GLYATL1: variants seen among roughly 807,000 people sequenced by gnomAD.
The protein encoded by GLYATL1 is glycine N-acyltransferase-like protein 1.
GLYATL1 carries 15 observed loss-of-function variants against 20.0 expected under a neutral mutation model. The observed-to-expected ratio is 0.75, with a 90% CI of 0.50 to 1.15. The LOEUF (loss-of-function observed/expected upper bound fraction) is 1.15, where lower values mean the gene tolerates loss of function less well. Among genes scored for constraint, GLYATL1 ranks in the 50% most tolerant of loss-of-function variants. GLYATL1 has a pLI of 0.00. For synonymous variants in GLYATL1, 151 were observed against 131.5 expected (o/e 1.15, Z -1.01); for missense variants, 380 against 368.5 (o/e 1.03, Z -0.26).
chr11:58,910,862 A>G (rs10896875), downstream of GLYATL1, among the ~76,000 whole-genome samples: 29,867 of 152,132 alleles, frequency 0.2, 3,565 homozygotes, highest in African/African-American at 0.32. Flanking sequence ...TCAATGGCTT[A>G]TGACAAACAC....
upstream of GLYATL1, among the ~76,000 whole-genome samples, chr11:58,924,679 G>A (rs1855385369): frequency 6.6e-6 from 1 of 152,142 alleles, no homozygotes; most frequent in African/African-American, 2.4e-5. Context: ...TTGCATCCTA[G>A]AATTAGCAAA....
downstream of GLYATL1, among the ~76,000 whole-genome samples, chr11:58,911,119 A>G (rs28597924): frequency 1.3e-5 from 2 of 152,144 alleles, no homozygotes; most frequent in African/African-American, 2.4e-5. Context: ...AGAACATTCC[A>G]TTTAAGATTC....
intron 4 of GLYATL1, among the ~76,000 whole-genome samples, chr11:58,953,565 C>CAA: frequency 6.6e-6 from 1 of 151,826 alleles, no homozygotes; most frequent in South Asian, 2.1e-4. Context: ...TTATTTATAG[C>CAA]TTTCATTTTT....
chr11:58,910,064 C>T (rs182708366), downstream of GLYATL1, among the ~76,000 whole-genome samples: 26 of 152,306 alleles, frequency 1.7e-4, no homozygotes, highest in East Asian at 4.4e-3. Context: ...ATTGTCCCAA[C>T]TTAAGTAGCT....
At position 58,956,190 on chromosome 11, in the gene GLYATL1, G is replaced by A. The variant is rs537616071; in HGVS notation, c.*163G>A. 7.2e-4 allele frequency: 479 copies of A among 664,576 alleles called. 9 individuals carry two copies. In the South Asian group the frequency reaches 9.4e-3, roughly 13 times the overall value. The allele number at this position is 664,576 out of a possible 1,614,324, so 41.2% of individuals were successfully genotyped here. A position where few individuals can be genotyped will look rare whatever the true frequency, so the allele number is the denominator to read the frequency against. On this transcript the variant is annotated 3_prime_UTR_variant, in exon 7 of 7. Coordinates refer to ENST00000532726, the MANE Select transcript of GLYATL1 (RefSeq NM_001389712.2). The stretch of plus-strand genomic sequence containing the variant: ...TGTTAAAAGACACAGCCATGCTCTT[G>A]AGGAGCTTACAATCCTGGCTGGAGG...
At chr11:58,941,968 T>C in intron 1 of GLYATL1, among the ~76,000 whole-genome samples, 1 of 152,226 alleles carries the variant, frequency 6.6e-6, no homozygotes, top group Non-Finnish European at 1.5e-5. Context: ...CTAAGAACTG[T>C]GAAGCATATA....
At chr11:58,936,487 C>A (rs1855841741), upstream of GLYATL1, among the ~76,000 whole-genome samples, 1 of 152,180 alleles carries the variant, frequency 6.6e-6, no homozygotes, top group Admixed American at 6.5e-5. Context: ...TAGGCAGGTG[C>A]TCAGATCAGC....
intron 1 of GLYATL1, among the ~76,000 whole-genome samples, chr11:58,920,248 G>T (rs940131211): frequency 6.6e-6 from 1 of 152,008 alleles, no homozygotes; most frequent in Non-Finnish European, 1.5e-5. Flanking sequence ...TTGTATTTTA[G>T]TTTATTTCCT....
chr11:58,923,440 C>T (rs377013184), upstream of GLYATL1, among the ~76,000 whole-genome samples: 412 of 152,200 alleles, frequency 2.7e-3, 2 homozygotes, highest in Non-Finnish European at 3.9e-3. Context: ...AGTAGTGGCC[C>T]GCAACCAGTT....
chr11:58,954,751 C>A lies in GLYATL1; in HGVS notation c.187-19C>A. ...AAAAAGTTCAAGGGAATGACCTGATCTTATATCATCCAATACAGGAGATGA... is the reference window on the plus strand; with the variant it reads ...AAAAAGTTCAAGGGAATGACCTGATATTATATCATCCAATACAGGAGATGA... On this transcript the variant is annotated intron_variant, in intron 4 of 6. Transcript: ENST00000532726. 6.3e-7 allele frequency: 1 copy of A among 1,579,428 alleles called. No homozygotes were observed. Among genetic ancestry groups the A allele is most frequent in the Non-Finnish European group, 8.6e-7 (1 of 1,165,828 alleles).
intron 1 of GLYATL1, chr11:58,943,202 C>T: frequency 1.4e-6 from 2 of 1,393,478 alleles, no homozygotes; most frequent in Non-Finnish European, 1.9e-6. Flanking sequence ...AATCATCAGA[C>T]AAAATTGAAA....
chr11:58,924,790 A>G (rs1382697310), upstream of GLYATL1, among the ~76,000 whole-genome samples: 1 of 152,168 alleles, frequency 6.6e-6, no homozygotes, highest in Admixed American at 6.5e-5. Flanking sequence ...TACTGTTGCT[A>G]AGGAACCCCA....
chr11:58,924,200 C>T (rs559695665), upstream of GLYATL1, among the ~76,000 whole-genome samples: 3 of 152,332 alleles, frequency 2.0e-5, no homozygotes, highest in Non-Finnish European at 2.9e-5. Context: ...AATAAACACA[C>T]TTATGGATAA....
At chr11:58,918,815 A>G (rs925214292) in intron 1 of GLYATL1, among the ~76,000 whole-genome samples, 6 of 152,142 alleles carry the variant, frequency 3.9e-5, no homozygotes, top group African/African-American at 1.4e-4. Flanking sequence ...AGGTTTTGCC[A>G]TGTGTGGAAT....
At chr11:58,948,841 G>C (rs1856771546) in intron 4 of GLYATL1, among the ~76,000 whole-genome samples, 1 of 152,166 alleles carries the variant, frequency 6.6e-6, no homozygotes, top group Non-Finnish European at 1.5e-5. Context: ...GTAGCGGCTG[G>C]ATTCCTGATG....
chr11:58,912,660 T>C (rs929251781), downstream of GLYATL1, among the ~76,000 whole-genome samples: 1 of 152,202 alleles, frequency 6.6e-6, no homozygotes, highest in Non-Finnish European at 1.5e-5. Context: ...TTACGTCTTA[T>C]GGGAGTCTCA....
At chr11:58,946,241 T>TGC (rs1856560432) in intron 2 of GLYATL1, among the ~76,000 whole-genome samples, 2 of 152,234 alleles carry the variant, frequency 1.3e-5, no homozygotes, top group Non-Finnish European at 2.9e-5. Flanking sequence ...ATGCTATGCA[T>TGC]TTTATACATA....
Position 58,952,636 on chromosome 11 carries a change from G to A in GLYATL1, c.187-2134G>A, listed in dbSNP as rs80059489. 8.1e-3 allele frequency among the ~76,000 whole-genome samples: 1,233 copies of A among 152,232 alleles called. 17 individuals carry two copies. The highest frequency in any genetic ancestry group is 0.05 in the South Asian group (239 of 4,820). On this transcript the variant is annotated intron_variant, in intron 4 of 6. Coordinates refer to ENST00000532726, the MANE Select transcript of GLYATL1 (RefSeq NM_001389712.2). ...GGAAGATTGCATGATGCTGATTCTT[G>A]GAGTATGGACAGATTCCATCATCCT... is the stretch of plus-strand genomic sequence containing the variant.
In GLYATL1 at chr11:58,956,218, G is replaced by T. The variant is rs1018924587; in HGVS notation, c.*191G>T. The stretch of plus-strand genomic sequence containing the variant: ...GAGCTTACAATCCTGGCTGGAGGCA[G>T]GGGAGGGTATATTCTTTAAATATGC... On this transcript the variant is annotated 3_prime_UTR_variant, in exon 7 of 7. Transcript: ENST00000532726. 16 of 601,528 alleles carry T rather than the reference G, an allele frequency of 2.7e-5. No homozygotes were observed. In the Admixed American group the frequency reaches 4.8e-4, roughly 18 times the overall value. The allele number at this position is 601,528 out of a possible 1,614,324, so 37.3% of individuals were successfully genotyped here. A position where few individuals can be genotyped will look rare whatever the true frequency, so the allele number is the denominator to read the frequency against.
Sources: allele counts gnomAD v4.1 joint callset (sites outside exome capture counted in the v4.1 genomes callset), GRCh38; gene constraint gnomAD v4.1.1; transcripts MANE v1.5; gene names NCBI Gene and HGNC (gene_info 2026-07-23, HGNC 2026-07-21).